Variants in NR5A2 observed in about 807,000 individuals in gnomAD.
NR5A2 encodes the protein nuclear receptor subfamily 5 group A member 2, also known as CYP7A promoter-binding factor.
Under a neutral mutation model 62.7 loss-of-function variants are expected in NR5A2, and 26 were observed. The observed-to-expected ratio is 0.41, with a 90% CI of 0.30 to 0.58. The LOEUF is 0.58. NR5A2 is among the 20% of genes least tolerant of loss of function. The pLI is 0.22. For synonymous variants in NR5A2, 246 were observed against 241.7 expected (o/e 1.02, Z -0.16); for missense variants, 541 against 669.1 (o/e 0.81, Z 2.11).
At position 200,027,778 on chromosome 1, in the gene NR5A2, C is replaced by G. The variant is rs1661399932; in HGVS notation, c.-70C>G. 8.6e-7 allele frequency: 1 copy of G among 1,162,914 alleles called. No homozygotes were observed. Among genetic ancestry groups the G allele is most frequent in the Non-Finnish European group, 1.2e-6 (1 of 801,630 alleles). The allele number at this position is 1,162,914 out of a possible 1,614,324, so 72.0% of individuals were successfully genotyped here. A position where few individuals can be genotyped will look rare whatever the true frequency, so the allele number is the denominator to read the frequency against. On this transcript the variant is annotated 5_prime_UTR_variant, in exon 1 of 8. Transcript: ENST00000367362. ...TCCTTCCCAAGGCCACGAAATTTGA[C>G]AAGCTGCACTTTTCTTTTGCTCAAT...
chr1:200,115,456 G>T (rs1666172402), intron 6 of NR5A2, among the ~76,000 whole-genome samples: 1 of 152,014 alleles, frequency 6.6e-6, no homozygotes, highest in Admixed American at 6.6e-5. Context: ...AAAAGTAAAT[G>T]GTATTACCCC....
chr1:200,093,983 C>T (rs1373269618), intron 5 of NR5A2, among the ~76,000 whole-genome samples: 2 of 151,928 alleles, frequency 1.3e-5, no homozygotes, highest in Non-Finnish European at 2.9e-5. Context: ...GGTGAAACTC[C>T]GTCTCTACTA....
chr1:200,108,081 CGTGTGTGTGTGTGT>C lies in NR5A2; in HGVS notation c.1111-3100_1111-3087del, dbSNP rs71132660. Among the ~76,000 whole-genome samples the C allele has an allele frequency of 6.5e-4, 96 of 146,876 alleles. 1 individual carries two copies. The Middle Eastern group carries it at 0.017, about 27-fold the overall frequency. ...TGATGAGATGGCTCTAGAAGACATA[CGTGTGTGTGTGTGT>C]GTGTGTGTGTGTGTGTGTGTCAGGG... On this transcript the variant is annotated intron_variant, in intron 5 of 7. Transcript: ENST00000367362.
At chr1:200,029,727 C>G (rs1184760447) in intron 1 of NR5A2, 1 of 152,210 alleles carries the variant, frequency 6.6e-6, no homozygotes, top group Non-Finnish European at 1.5e-5. Flanking sequence ...GTCAATTTGC[C>G]GGTAAAAGAG....
In NR5A2 at chr1:200,043,835, G is replaced by C. The variant is rs201645640; in HGVS notation, c.264G>C (p.Val88=). 1 of 1,613,972 alleles carries C rather than the reference G, an allele frequency of 6.2e-7. No homozygotes were observed. The highest frequency in any genetic ancestry group is 1.1e-5 in the South Asian group (1 of 91,042). ...YDEDLEELCP[V]CGDKVSGYHY... is the part of the protein sequence containing the mutation. ...AAGATCTGGAAGAGCTTTGTCCCGT[G>C]TGTGGAGATAAAGTGTCTGGGTACC... The change falls in exon 3 of 8, where the codon GTG becomes GTC. Residue 88 remains valine, a synonymous_variant. Transcript: ENST00000367362.
At chr1:200,037,443 C>T (rs1661833191) in intron 1 of NR5A2, among the ~76,000 whole-genome samples, 1 of 152,124 alleles carries the variant, frequency 6.6e-6, no homozygotes, top group Non-Finnish European at 1.5e-5. Context: ...CATAAGTGCA[C>T]CCATAAATTC....
chr1:200,128,397 C>G (rs942680323), intron 7 of NR5A2, among the ~76,000 whole-genome samples: 1 of 152,174 alleles, frequency 6.6e-6, no homozygotes, highest in Non-Finnish European at 1.5e-5. Context: ...ATGCATTTGC[C>G]TCACAGCTTT....
intron 1 of NR5A2, chr1:200,038,615 T>A (rs1259135211): frequency 2.2e-6 from 2 of 897,232 alleles, no homozygotes; most frequent in Admixed American, 2.1e-5. Flanking sequence ...AAGTGGGTGT[T>A]TAACTCCCTT....
chr1:200,128,571 A>G (rs1666827778), intron 7 of NR5A2, among the ~76,000 whole-genome samples: 1 of 152,196 alleles, frequency 6.6e-6, no homozygotes, highest in Non-Finnish European at 1.5e-5. Context: ...TGATGGTAAA[A>G]GGAAAAATAA....
At chr1:200,074,070 T>C (rs950638584) in intron 5 of NR5A2, among the ~76,000 whole-genome samples, 1 of 152,152 alleles carries the variant, frequency 6.6e-6, no homozygotes, top group Admixed American at 6.5e-5. Flanking sequence ...TGGATGAAAA[T>C]GGCTATACTT....
chr1:200,106,594 G>A (rs551552698), intron 5 of NR5A2, among the ~76,000 whole-genome samples: 1 of 152,246 alleles, frequency 6.6e-6, no homozygotes, highest in East Asian at 1.9e-4. Context: ...GAGAGGTTTT[G>A]CTATATAATG....
intron 5 of NR5A2, among the ~76,000 whole-genome samples, chr1:200,101,840 C>T (rs898845318): frequency 3.9e-5 from 6 of 152,090 alleles, no homozygotes; most frequent in East Asian, 1.9e-4. Context: ...CTTTTTGAAA[C>T]GTGGTTAAGA....
chr1:200,038,152 C>G (rs1661867429), intron 1 of NR5A2, among the ~76,000 whole-genome samples: 1 of 149,890 alleles, frequency 6.7e-6, no homozygotes, highest in South Asian at 2.1e-4. Context: ...GGCTGGTGGT[C>G]GAAGAGCTTG....
chr1:200,150,400 A>G (rs1310034691), intron 7 of NR5A2, among the ~76,000 whole-genome samples: 1 of 152,224 alleles, frequency 6.6e-6, no homozygotes, highest in Admixed American at 6.5e-5. Flanking sequence ...TCTATATTTA[A>G]TGCCTCTATG....
At chr1:200,107,993 A>G (rs1451646943) in intron 5 of NR5A2, among the ~76,000 whole-genome samples, 1 of 151,956 alleles carries the variant, frequency 6.6e-6, no homozygotes, top group African/African-American at 2.4e-5. Flanking sequence ...TACCGTAACT[A>G]TTTCTGTCAA....
intron 5 of NR5A2, among the ~76,000 whole-genome samples, chr1:200,051,345 CTT>C (rs1402084374): frequency 6.6e-6 from 1 of 152,146 alleles, no homozygotes; most frequent in Non-Finnish European, 1.5e-5. Flanking sequence ...GCTGGGAAAA[CTT>C]TTTCCACTAT....
At chr1:200,126,881 T>G (rs1666726891) in intron 7 of NR5A2, among the ~76,000 whole-genome samples, 1 of 152,064 alleles carries the variant, frequency 6.6e-6, no homozygotes, top group Admixed American at 6.6e-5. Context: ...GCAAATAAAA[T>G]AATAAATGAA....
At chr1:200,086,187 G>T (rs757640579) in intron 5 of NR5A2, among the ~76,000 whole-genome samples, 11 of 152,176 alleles carry the variant, frequency 7.2e-5, no homozygotes, top group Non-Finnish European at 1.6e-4. Context: ...ACTTACTGTT[G>T]TTAAGACTTT....
At chr1:200,152,248 A>G (rs1245071365) in intron 7 of NR5A2, among the ~76,000 whole-genome samples, 1 of 152,250 alleles carries the variant, frequency 6.6e-6, no homozygotes, top group Admixed American at 6.5e-5. Context: ...TGAACCATGT[A>G]CAAATCATAA....
Sources: gnomAD v4.1 joint callset for allele counts (sites outside exome capture counted in the v4.1 genomes callset) on GRCh38, gnomAD v4.1.1 for gene constraint, MANE v1.5 for transcripts, NCBI Gene and HGNC (gene_info 2026-07-23, HGNC 2026-07-21) for gene names.